HYAL4: variants seen among roughly 807,000 people sequenced by gnomAD.
HYAL4 encodes the protein hyaluronidase 4, also known as hyaluronidase-4.
A neutral mutation model predicts 35.2 loss-of-function variants in HYAL4; 37 were observed. The observed-to-expected ratio is 1.05, with a 90% CI of 0.81 to 1.38. The LOEUF is 1.38. HYAL4 is among the 40% of genes most tolerant of loss of function. The probability of loss-of-function intolerance (pLI) is 0.00; values close to 1 mark genes in which losing one functional copy is unlikely to be tolerated. For missense variants in HYAL4, 572 were observed against 572.4 expected, an observed-to-expected ratio of 1.00 and a Z score of 0.01; for synonymous variants, 198 against 203.2, an observed-to-expected ratio of 0.97 and a Z score of 0.22.
chr7:123,844,711 T>G (rs1806140103), upstream of HYAL4, among the ~76,000 whole-genome samples: 1 of 152,122 alleles, frequency 6.6e-6, no homozygotes, highest in East Asian at 1.9e-4. Flanking sequence ...CTAGCTGCTT[T>G]GTTTACCTAC....
At chr7:123,854,757 T>A (rs1806392225) in intron 2 of HYAL4, among the ~76,000 whole-genome samples, 1 of 152,196 alleles carries the variant, frequency 6.6e-6, no homozygotes. Context: ...CAGAGCTGAG[T>A]TTAAGTCCAG....
At chr7:123,788,204 G>T in the HYAL4 span, among the ~76,000 whole-genome samples, 1 of 152,252 alleles carries the variant, frequency 6.6e-6, no homozygotes, top group African/African-American at 2.4e-5. Context: ...CACACCTATA[G>T]TCTGAGCTAC....
the HYAL4 span, among the ~76,000 whole-genome samples, chr7:123,798,997 G>A: frequency 6.6e-6 from 1 of 152,176 alleles, no homozygotes; most frequent in Non-Finnish European, 1.5e-5. Context: ...GGAGTGCCAT[G>A]ATCTGACTTA....
the HYAL4 span, among the ~76,000 whole-genome samples, chr7:123,791,198 C>T: frequency 5.3e-5 from 8 of 152,108 alleles, no homozygotes; most frequent in African/African-American, 1.9e-4. Context: ...AATGGTGCCA[C>T]AGTGTTTTTC....
At chr7:123,871,538 T>G (rs1372487968) in intron 3 of HYAL4, among the ~76,000 whole-genome samples, 1 of 152,212 alleles carries the variant, frequency 6.6e-6, no homozygotes, top group Non-Finnish European at 1.5e-5. Context: ...TACCAAACTC[T>G]TAATGACCAT....
At chr7:123,838,522 A>T (rs1806004119) in intron 1 of HYAL4, among the ~76,000 whole-genome samples, 1 of 151,762 alleles carries the variant, frequency 6.6e-6, no homozygotes, top group Non-Finnish European at 1.5e-5. Flanking sequence ...TGGCTTTTGC[A>T]TTGGCTTTTT....
At chr7:123,874,534 C>G (rs1013315844) in intron 3 of HYAL4, among the ~76,000 whole-genome samples, 2 of 152,060 alleles carry the variant, frequency 1.3e-5, no homozygotes, top group Non-Finnish European at 1.5e-5. Context: ...CTCCGAGTAG[C>G]TGGGATTATA....
At chr7:123,764,250 G>A in the HYAL4 span, among the ~76,000 whole-genome samples, 1 of 152,192 alleles carries the variant, frequency 6.6e-6, no homozygotes, top group Non-Finnish European at 1.5e-5. Flanking sequence ...TGGGATTTTA[G>A]GGGTGAGCCA....
the HYAL4 span, among the ~76,000 whole-genome samples, chr7:123,816,521 C>T: frequency 6.6e-6 from 1 of 152,244 alleles, no homozygotes; most frequent in East Asian, 1.9e-4. Flanking sequence ...TCAAAGAGTT[C>T]ACCTTGAGAG....
the HYAL4 span, among the ~76,000 whole-genome samples, chr7:123,819,007 A>G: frequency 1.4e-4 from 22 of 152,296 alleles, no homozygotes; most frequent in African/African-American, 2.6e-4. Context: ...TATAGACACC[A>G]TGCTATACAA....
At chr7:123,813,362 G>C in the HYAL4 span, among the ~76,000 whole-genome samples, 2 of 152,004 alleles carry the variant, frequency 1.3e-5, no homozygotes, top group African/African-American at 4.8e-5. Context: ...GGCAGTTTTC[G>C]TCCCAACAGA....
chr7:123,860,732 T>C (rs1806559875), intron 2 of HYAL4, among the ~76,000 whole-genome samples: 1 of 152,208 alleles, frequency 6.6e-6, no homozygotes. Context: ...ATGAATTACA[T>C]AGAAGCAGAA....
At chr7:123,805,562 A>T in the HYAL4 span, among the ~76,000 whole-genome samples, 6 of 152,192 alleles carry the variant, frequency 3.9e-5, no homozygotes, top group African/African-American at 1.4e-4. Flanking sequence ...TTTAAGTTAT[A>T]TTATCAGTCC....
chr7:123,856,320 C>T (rs1280218297), intron 2 of HYAL4, among the ~76,000 whole-genome samples: 2 of 152,140 alleles, frequency 1.3e-5, no homozygotes, highest in African/African-American at 2.4e-5. Flanking sequence ...TTTTCCTCAT[C>T]TTCATGGATT....
the HYAL4 span, among the ~76,000 whole-genome samples, chr7:123,772,949 C>A: frequency 6.6e-6 from 1 of 152,198 alleles, no homozygotes; most frequent in South Asian, 2.1e-4. Context: ...TGAAAAAGAA[C>A]TGATAGTGCC....
intron 3 of HYAL4, among the ~76,000 whole-genome samples, chr7:123,872,535 T>G (rs777113851): frequency 6.6e-5 from 10 of 152,234 alleles, no homozygotes; most frequent in Non-Finnish European, 1.5e-4. Flanking sequence ...CCCTACCCTC[T>G]ACTTCTGAAA....
At chr7:123,866,847 G>A (rs1199243080) in intron 2 of HYAL4, among the ~76,000 whole-genome samples, 1 of 147,438 alleles carries the variant, frequency 6.8e-6, no homozygotes, top group African/African-American at 2.5e-5. Flanking sequence ...CTGGAGGGCA[G>A]TGGTGTGATC....
At chr7:123,802,993 A>G in the HYAL4 span, among the ~76,000 whole-genome samples, 3 of 152,232 alleles carry the variant, frequency 2.0e-5, no homozygotes, top group Non-Finnish European at 4.4e-5. Context: ...ATCTGGTGTC[A>G]TTCTGTTCCC....
chr7:123,811,060 A>G, the HYAL4 span, among the ~76,000 whole-genome samples: 1 of 152,132 alleles, frequency 6.6e-6, no homozygotes, highest in East Asian at 1.9e-4. Context: ...CATTATCTGG[A>G]TGTACCACAG....
Sources: gnomAD v4.1 joint callset for allele counts (sites outside exome capture counted in the v4.1 genomes callset) on GRCh38, gnomAD v4.1.1 for gene constraint, MANE v1.5 for transcripts, NCBI Gene and HGNC (gene_info 2026-07-23, HGNC 2026-07-21) for gene names.